The following NDUFB2 variants were observed in gnomAD, a reference collection of about 807,000 sequenced individuals.
NDUFB2 encodes the protein NADH dehydrogenase [ubiquinone] 1 beta subcomplex subunit 2, mitochondrial.
NDUFB2 carries 13 observed loss-of-function variants against 13.4 expected under a neutral mutation model. That is an observed-to-expected ratio of 0.97 (90% CI 0.63 to 1.54). NDUFB2 has a LOEUF of 1.54. Ranked by LOEUF, NDUFB2 falls within the 40% of genes most tolerant of loss-of-function variation. NDUFB2 has a pLI of 0.00. For synonymous variants in NDUFB2, 47 were observed against 50.6 expected, an observed-to-expected ratio of 0.93 and a Z score of 0.30; for missense variants, 150 against 139.7, an observed-to-expected ratio of 1.07 and a Z score of -0.37.
chr7:140,699,325 T>C (rs774689524), intron 1 of NDUFB2, among the ~76,000 whole-genome samples: 2 of 152,208 alleles, frequency 1.3e-5, no homozygotes, highest in Non-Finnish European at 2.9e-5. Flanking sequence ...TACTTCCTTA[T>C]GTTTTTTGAT....
At chr7:140,701,638 AAAAC>A (rs992576437) in intron 1 of NDUFB2, among the ~76,000 whole-genome samples, 2 of 152,116 alleles carry the variant, frequency 1.3e-5, no homozygotes, top group Admixed American at 6.6e-5. Context: ...TATCTTTAAA[AAAAC>A]AAACAAAACA....
At position 140,697,204 on chromosome 7, in the gene NDUFB2, A is replaced by G. The variant is rs924736160; in HGVS notation, c.98+362A>G. 9.7e-5 allele frequency: 63 copies of G among 647,632 alleles called. No individual in the cohort carries two copies. In the East Asian group the frequency reaches 1.7e-3, roughly 17 times the overall value. The allele number at this position is 647,632 out of a possible 1,614,324, so 40.1% of individuals were successfully genotyped here. On this transcript the variant is annotated intron_variant, in intron 1 of 3. Transcript: ENST00000247866. ...GGCGGGTGTGGACGCTCCTGGAGCG[A>G]GGCGGGGGGCGGCGGCGGTGAGGCC...
chr7:140,704,658 T>A (rs1554492328), intron 2 of NDUFB2, among the ~76,000 whole-genome samples: 1 of 152,158 alleles, frequency 6.6e-6, no homozygotes, highest in Non-Finnish European at 1.5e-5. Context: ...GGGAGGCTTT[T>A]AAAATTCAGA....
chr7:140,706,443 C>A (rs1163131885), intron 3 of NDUFB2, 120 bp from the exon 4 acceptor site: 1 of 151,992 alleles, frequency 6.6e-6, no homozygotes, highest in Non-Finnish European at 1.5e-5. Flanking sequence ...CTTCTCTTGT[C>A]TACAAGGCTG....
intron 1 of NDUFB2, chr7:140,698,212 T>C (rs2130799030): frequency 7.4e-7 from 1 of 1,352,008 alleles, no homozygotes; most frequent in Non-Finnish European, 9.8e-7. Context: ...TGGAGAGCCA[T>C]GAGCGACAGC....
intron 1 of NDUFB2, among the ~76,000 whole-genome samples, chr7:140,701,460 A>C (rs1375392245): frequency 6.6e-6 from 1 of 152,224 alleles, no homozygotes; most frequent in Non-Finnish European, 1.5e-5. Flanking sequence ...TCTACAAAAA[A>C]AATATAAAAA....
At chr7:140,703,446 T>G (rs933079876) in intron 2 of NDUFB2, among the ~76,000 whole-genome samples, 1 of 151,918 alleles carries the variant, frequency 6.6e-6, no homozygotes, top group East Asian at 1.9e-4. Flanking sequence ...GCTAATTTTT[T>G]TTGTTGTTAG....
chr7:140,702,766 A>C (rs988280422), intron 1 of NDUFB2, 100 bp from the exon 2 acceptor site: 2 of 1,323,646 alleles, frequency 1.5e-6, no homozygotes, highest in African/African-American at 2.9e-5. Context: ...GGAGATGAGA[A>C]ACATTAGCGT....
At chr7:140,700,125 T>A (rs1794875162) in intron 1 of NDUFB2, 1 of 151,684 alleles carries the variant, frequency 6.6e-6, no homozygotes, top group Non-Finnish European at 1.5e-5. Context: ...ATTACTCAGA[T>A]CTTTTTTGTT....
chr7:140,697,209 G>C (rs934766220), intron 1 of NDUFB2: 9 of 649,882 alleles, frequency 1.4e-5, no homozygotes, highest in East Asian at 8.2e-5. Context: ...GAGCGAGGCG[G>C]GGGGCGGCGG....
Position 140,696,995 on chromosome 7 carries a change from G to C in NDUFB2, c.98+153G>C, listed in dbSNP as rs1485340424. 4.4e-6 allele frequency: 3 copies of C among 686,310 alleles called. No homozygotes were observed. The South Asian group carries it at 5.5e-5, about 13-fold the overall frequency. 42.5% of individuals were successfully genotyped at this position (686,310 alleles called of 1,614,324 possible). On this transcript the variant is annotated intron_variant, in intron 1 of 3. Coordinates refer to ENST00000247866, the MANE Select transcript of NDUFB2 (RefSeq NM_004546.3). Reference sequence around the variant, plus strand: ...CGCGTGTCTCCTGAAGCCGCGACTCGAGGAGAGGGACCCCGCTGGCCGGAG... The same window carrying C: ...CGCGTGTCTCCTGAAGCCGCGACTCCAGGAGAGGGACCCCGCTGGCCGGAG...
chr7:140,699,966 TA>T (rs1287652425), intron 1 of NDUFB2, among the ~76,000 whole-genome samples: 1 of 151,540 alleles, frequency 6.6e-6, no homozygotes, highest in Non-Finnish European at 1.5e-5. Context: ...GTTCCTGTGA[TA>T]TAATTGCAGA....
intron 2 of NDUFB2, 51 bp downstream of exon 2, chr7:140,703,061 T>G (rs778966016): frequency 6.3e-7 from 1 of 1,599,542 alleles, no homozygotes; most frequent in African/African-American, 1.3e-5. Context: ...GGAGGGAGGA[T>G]GTATTAATAG....
chr7:140,706,065 G>GTTATGTTATGTTATGTT (rs1563216380), intron 3 of NDUFB2: 74 of 137,758 alleles, frequency 5.4e-4, no homozygotes, highest in African/African-American at 2.0e-3. Flanking sequence ...TATGTTTTAT[G>GTTATGTTATGTTATGTT]TTATGTTATG....
At chr7:140,704,005 T>C (rs1794932822) in intron 2 of NDUFB2, among the ~76,000 whole-genome samples, 1 of 152,144 alleles carries the variant, frequency 6.6e-6, no homozygotes, top group Admixed American at 6.5e-5. Context: ...TCCACCTGCC[T>C]TGGCCTCCCA....
At chr7:140,701,205 A>C (rs770154611) in intron 1 of NDUFB2, 1 of 152,262 alleles carries the variant, frequency 6.6e-6, no homozygotes, top group African/African-American at 2.4e-5. Context: ...TAAAAGGAGA[A>C]AATTGTTAAT....
rs184941593 is a variant in NDUFB2 at position 140,703,090 on chromosome 7, G to A, written c.243+80G>A. Reference sequence around the variant, plus strand: ...TTAATAGCTTGTTTATTTTTCTGTTGTAGACCATTTTTCTGTCTGGACATC... The same window carrying A: ...TTAATAGCTTGTTTATTTTTCTGTTATAGACCATTTTTCTGTCTGGACATC... On this transcript the variant is annotated intron_variant, in intron 2 of 3. Coordinates refer to ENST00000247866, the MANE Select transcript of NDUFB2 (RefSeq NM_004546.3). 3.2e-4 allele frequency: 501 copies of A among 1,555,514 alleles called. 8 individuals carry two copies. The Admixed American group carries it at 8.6e-3, about 27-fold the overall frequency.
chr7:140,701,479 G>A (rs1304575294), intron 1 of NDUFB2, among the ~76,000 whole-genome samples: 1 of 152,150 alleles, frequency 6.6e-6, no homozygotes, highest in Non-Finnish European at 1.5e-5. Context: ...AATTAGCCAG[G>A]TCTGGGGGTG....
chr7:140,702,099 T>C, intron 1 of NDUFB2: 2 of 693,634 alleles, frequency 2.9e-6, no homozygotes, highest in South Asian at 1.5e-5. Context: ...GTTTACAAGC[T>C]GATTCTTATC....
Sources: gnomAD v4.1 joint callset for allele counts (sites outside exome capture counted in the v4.1 genomes callset) on GRCh38, gnomAD v4.1.1 for gene constraint, MANE v1.5 for transcripts, NCBI Gene and HGNC (gene_info 2026-07-23, HGNC 2026-07-21) for gene names.